CTNNA3: variants seen among roughly 807,000 people sequenced by gnomAD.
CTNNA3 encodes the protein catenin alpha-3.
CTNNA3 carries 76 observed loss-of-function variants against 95.7 expected under a neutral mutation model. That is an observed-to-expected ratio of 0.79 (90% CI 0.66 to 0.96). The LOEUF is 0.96. CTNNA3 is among the 40% of genes least tolerant of loss of function. The pLI, the probability that CTNNA3 is intolerant of heterozygous loss-of-function variation, is 0.00. For synonymous variants in CTNNA3, 431 were observed against 374.4 expected (o/e 1.15, Z -1.74); for missense variants, 1,191 against 1,089.8 (o/e 1.09, Z -1.31).
At chr10:67,436,984 G>T (rs1293673950) in intron 5 of CTNNA3, among the ~76,000 whole-genome samples, 1 of 152,102 alleles carries the variant, frequency 6.6e-6, no homozygotes, top group Non-Finnish European at 1.5e-5. Flanking sequence ...TATCTACCCA[G>T]AGGAAAAGAA....
At chr10:66,735,138 T>C (rs908628218) in intron 9 of CTNNA3, among the ~76,000 whole-genome samples, 9 of 151,964 alleles carry the variant, frequency 5.9e-5, no homozygotes, top group Non-Finnish European at 8.8e-5. Flanking sequence ...TTGATTCACC[T>C]TAATATTGAA....
intron 5 of CTNNA3, among the ~76,000 whole-genome samples, chr10:67,250,511 G>A (rs936226402): frequency 1.1e-4 from 16 of 151,992 alleles, no homozygotes; most frequent in Admixed American, 2.6e-4. Flanking sequence ...CACCGCGCCC[G>A]GCCACAGAGG....
At chr10:67,545,610 G>C (rs1189912922) in intron 3 of CTNNA3, among the ~76,000 whole-genome samples, 2 of 152,096 alleles carry the variant, frequency 1.3e-5, no homozygotes, top group African/African-American at 4.8e-5. Context: ...TTGGAGCAGG[G>C]CAAGGCAAGG....
At chr10:67,628,464 G>A (rs913808942) in intron 2 of CTNNA3, among the ~76,000 whole-genome samples, 5 of 152,110 alleles carry the variant, frequency 3.3e-5, no homozygotes, top group African/African-American at 9.7e-5. Context: ...TACTTGACAA[G>A]CTTCCCAAAA....
intron 7 of CTNNA3, among the ~76,000 whole-genome samples, chr10:67,065,637 A>G (rs919799178): frequency 6.6e-6 from 1 of 152,044 alleles, no homozygotes; most frequent in Admixed American, 6.6e-5. Flanking sequence ...TTAGCCAATA[A>G]AATTCTCCAG....
intron 9 of CTNNA3, among the ~76,000 whole-genome samples, chr10:66,763,167 C>G (rs7088152): frequency 0.86 from 131,023 of 151,798 alleles, 57,014 homozygotes; most frequent in East Asian, 1. Context: ...CTATTTTCCA[C>G]GAGTCTATCA....
At chr10:66,802,283 C>G (rs533670513) in intron 7 of CTNNA3, among the ~76,000 whole-genome samples, 1 of 151,746 alleles carries the variant, frequency 6.6e-6, no homozygotes, top group Non-Finnish European at 1.5e-5. Flanking sequence ...ATATTATTCA[C>G]AATGCATATA....
intron 16 of CTNNA3, among the ~76,000 whole-genome samples, chr10:65,985,484 T>C (rs1039785683): frequency 6.6e-6 from 1 of 151,366 alleles, no homozygotes; most frequent in Admixed American, 6.6e-5. Context: ...AAAAGGAAAC[T>C]AAAATGTTTA....
At chr10:66,984,771 A>G (rs1387585106) in intron 7 of CTNNA3, among the ~76,000 whole-genome samples, 1 of 152,190 alleles carries the variant, frequency 6.6e-6, no homozygotes, top group Non-Finnish European at 1.5e-5. Context: ...CGAAAATTTA[A>G]ATAATTTATT....
chr10:66,730,191 G>A (rs575842969), intron 9 of CTNNA3, among the ~76,000 whole-genome samples: 1 of 152,000 alleles, frequency 6.6e-6, no homozygotes, highest in East Asian at 1.9e-4. Flanking sequence ...CAAAGACATG[G>A]AATCAACCTA....
chr10:67,558,181 G>C (rs930599633), intron 3 of CTNNA3, among the ~76,000 whole-genome samples: 1 of 152,120 alleles, frequency 6.6e-6, no homozygotes, highest in Non-Finnish European at 1.5e-5. Context: ...CATAGTCCCA[G>C]ATGCAAGAAG....
intron 11 of CTNNA3, among the ~76,000 whole-genome samples, chr10:66,473,171 A>G (rs548729966): frequency 1.3e-5 from 2 of 152,136 alleles, no homozygotes; most frequent in South Asian, 2.1e-4. Context: ...AACATTTTAT[A>G]TGCTTAGGCT....
intron 11 of CTNNA3, among the ~76,000 whole-genome samples, chr10:66,473,736 A>G (rs977166902): frequency 2.0e-5 from 3 of 151,796 alleles, no homozygotes; most frequent in Non-Finnish European, 4.4e-5. Flanking sequence ...TCATTGTTCA[A>G]TTCCCATCTA....
At chr10:67,253,350 T>A (rs1165154966) in intron 5 of CTNNA3, among the ~76,000 whole-genome samples, 10 of 152,236 alleles carry the variant, frequency 6.6e-5, no homozygotes, top group African/African-American at 2.2e-4. Flanking sequence ...ATTATTTATT[T>A]CTAGATTTTT....
At chr10:66,249,415 C>A (rs1339024573) in intron 13 of CTNNA3, among the ~76,000 whole-genome samples, 1 of 152,106 alleles carries the variant, frequency 6.6e-6, no homozygotes, top group Non-Finnish European at 1.5e-5. Context: ...GTAGCTCAAA[C>A]AACTCTATAG....
chr10:67,268,534 C>G (rs1866927332), intron 5 of CTNNA3, among the ~76,000 whole-genome samples: 1 of 151,854 alleles, frequency 6.6e-6, no homozygotes. Flanking sequence ...AACAAAAAAG[C>G]TTTGGGTCCC....
At chr10:66,351,148 C>G (rs1421482054) in intron 12 of CTNNA3, among the ~76,000 whole-genome samples, 6 of 151,984 alleles carry the variant, frequency 3.9e-5, no homozygotes, top group African/African-American at 1.4e-4. Flanking sequence ...GCTTCTACAA[C>G]ACATTCTGCT....
chr10:66,645,187 CAA>C (rs1254696236), intron 9 of CTNNA3, among the ~76,000 whole-genome samples: 1 of 152,008 alleles, frequency 6.6e-6, no homozygotes, highest in African/African-American at 2.4e-5. Context: ...ATGGTTTTCA[CAA>C]AGTTAGCATT....
At chr10:66,539,962 G>A (rs2660008) in intron 10 of CTNNA3, among the ~76,000 whole-genome samples, 150,110 of 152,214 alleles carry the variant, frequency 0.99, 74,046 homozygotes, top group Middle Eastern at 1. Flanking sequence ...GTCAATGTTT[G>A]TTAAATGTTG....
Sources: allele counts gnomAD v4.1 joint callset (sites outside exome capture counted in the v4.1 genomes callset), GRCh38; gene constraint gnomAD v4.1.1; transcripts MANE v1.5; gene names NCBI Gene and HGNC (gene_info 2026-07-23, HGNC 2026-07-21).